EPB41L4A: variants seen among roughly 807,000 people sequenced by gnomAD.
EPB41L4A encodes the protein band 4.1-like protein 4A.
A neutral mutation model predicts 108.6 loss-of-function variants in EPB41L4A; 100 were observed. The observed-to-expected ratio is 0.92, with a 90% CI of 0.78 to 1.09. EPB41L4A has a LOEUF of 1.09. Ranked by LOEUF, EPB41L4A falls within the 50% of genes least tolerant of loss-of-function variation. The probability of loss-of-function intolerance (pLI) is 0.00; values close to 1 mark genes in which losing one functional copy is unlikely to be tolerated. For missense variants in EPB41L4A, 1,030 were observed against 842.7 expected, an observed-to-expected ratio of 1.22 and a Z score of -2.75; for synonymous variants, 319 against 289.0, an observed-to-expected ratio of 1.10 and a Z score of -1.05.
chr5:112,359,237 G>A (rs1758556039), intron 1 of EPB41L4A, among the ~76,000 whole-genome samples: 1 of 152,190 alleles, frequency 6.6e-6, no homozygotes, highest in Non-Finnish European at 1.5e-5. Flanking sequence ...TCTTAGAAGA[G>A]AATCCAGGGG....
At chr5:112,339,484 ATATATATATATC>A (rs1757134872) in intron 1 of EPB41L4A, among the ~76,000 whole-genome samples, 2 of 35,302 alleles carry the variant, frequency 5.7e-5, no homozygotes, top group African/African-American at 1.6e-4. Context: ...CTATATATAT[ATATATATATATC>A]TATATATATA....
upstream of EPB41L4A, chr5:112,419,688 C>G (rs762189949): frequency 2.2e-6 from 1 of 456,654 alleles, no homozygotes; most frequent in South Asian, 1.5e-5. Flanking sequence ...TCGCTCCGTC[C>G]GCTACCCCGT....
intron 1 of EPB41L4A, among the ~76,000 whole-genome samples, chr5:112,382,803 C>T (rs1470489160): frequency 6.6e-6 from 1 of 152,152 alleles, no homozygotes; most frequent in Non-Finnish European, 1.5e-5. Context: ...TCCTTCCTGG[C>T]TTCTAACTCT....
chr5:112,231,542 T>G (rs1484381229), intron 12 of EPB41L4A, among the ~76,000 whole-genome samples: 1 of 150,892 alleles, frequency 6.6e-6, no homozygotes, highest in African/African-American at 2.4e-5. Context: ...TCCCAGCACT[T>G]TGGGAGGCCG....
At chr5:112,160,512 G>A (rs1580338441), downstream of EPB41L4A, 2 of 152,514 alleles carry the variant, frequency 1.3e-5, no homozygotes, top group African/African-American at 4.8e-5. Flanking sequence ...TTCCTCAGCT[G>A]GACTCATGAA....
chr5:112,159,958 G>GT (rs1448664409), downstream of EPB41L4A, among the ~76,000 whole-genome samples: 1 of 146,236 alleles, frequency 6.8e-6, no homozygotes, highest in East Asian at 2.0e-4. Context: ...CTGGAGTCAA[G>GT]TGGCATGATC....
intron 1 of EPB41L4A, among the ~76,000 whole-genome samples, chr5:112,364,155 T>C (rs1758969944): frequency 6.6e-6 from 1 of 152,162 alleles, no homozygotes; most frequent in Non-Finnish European, 1.5e-5. Context: ...GCCTCCCGAG[T>C]AGCTGGGATT....
chr5:112,392,064 C>A (rs1388909072), intron 1 of EPB41L4A, among the ~76,000 whole-genome samples: 1 of 152,034 alleles, frequency 6.6e-6, no homozygotes, highest in Non-Finnish European at 1.5e-5. Context: ...TACAAGAGCT[C>A]CTGAAGGAAG....
chr5:112,262,767 CTTATA>C (rs1390617300), intron 6 of EPB41L4A, among the ~76,000 whole-genome samples, 186 bp from the exon 7 acceptor site: 1 of 152,160 alleles, frequency 6.6e-6, no homozygotes, highest in Non-Finnish European at 1.5e-5. Context: ...TGAAGTGATA[CTTATA>C]TTAATTTCAT....
At chr5:112,171,665 A>G in intron 18 of EPB41L4A, among the ~76,000 whole-genome samples, 1 of 152,246 alleles carries the variant, frequency 6.6e-6, no homozygotes, top group East Asian at 1.9e-4. Flanking sequence ...CCTAGAATGA[A>G]AAATTCAGTC....
At position 112,375,958 on chromosome 5, in the gene EPB41L4A, G is replaced by A. The variant is rs73214233; in HGVS notation, c.99+42983C>T. Among the ~76,000 whole-genome samples the A allele has an allele frequency of 6.7e-3, 1,014 of 152,244 alleles. 14 individuals carry two copies. Among genetic ancestry groups the A allele is most frequent in the African/African-American group, 0.023 (962 of 41,536 alleles). On this transcript the variant is annotated intron_variant, in intron 1 of 22. Coordinates refer to ENST00000261486, the MANE Select transcript of EPB41L4A (RefSeq NM_022140.5). ...CCAAGGGGTTAGGGTATGAAAAAGA[G>A]GCAAGATAACTGTCCCCAGGGGTTG... is the stretch of plus-strand genomic sequence containing the variant.
chr5:112,243,814 A>T (rs913870881), intron 9 of EPB41L4A, among the ~76,000 whole-genome samples: 1 of 152,190 alleles, frequency 6.6e-6, no homozygotes, highest in Non-Finnish European at 1.5e-5. Flanking sequence ...AGAGAGTTAG[A>T]GCCTTTCTCT....
chr5:112,180,776 C>T (rs139655771), intron 18 of EPB41L4A, among the ~76,000 whole-genome samples: 53 of 152,056 alleles, frequency 3.5e-4, no homozygotes, highest in Non-Finnish European at 7.1e-4. Context: ...CAAACCACAG[C>T]CTGGGAGAAA....
chr5:112,148,832 G>A (rs541101741), intron 12 of EPB41L4A, among the ~76,000 whole-genome samples: 17 of 152,232 alleles, frequency 1.1e-4, no homozygotes, highest in African/African-American at 4.1e-4. Context: ...AGCAATGTGT[G>A]TTGGATAAGT....
At chr5:112,156,756 C>T (rs1759661951) in intron 12 of EPB41L4A, among the ~76,000 whole-genome samples, 2 of 152,056 alleles carry the variant, frequency 1.3e-5, no homozygotes, top group African/African-American at 4.8e-5. Context: ...AATGCAATTC[C>T]AATAAAAATC....
At chr5:112,282,002 TAAAAATA>T (rs1205899621) in intron 2 of EPB41L4A, among the ~76,000 whole-genome samples, 1 of 152,022 alleles carries the variant, frequency 6.6e-6, no homozygotes, top group East Asian at 1.9e-4. Context: ...AACTAAAAAC[TAAAAATA>T]AAAACTAAAA....
chr5:112,337,513 GACTGGT>G (rs1214286381), intron 1 of EPB41L4A, among the ~76,000 whole-genome samples: 2 of 152,172 alleles, frequency 1.3e-5, no homozygotes, highest in African/African-American at 2.4e-5. Context: ...GATCCCCACA[GACTGGT>G]GAAACTCCTG....
intron 1 of EPB41L4A, among the ~76,000 whole-genome samples, chr5:112,361,111 G>C (rs546676402): frequency 1.3e-5 from 2 of 152,102 alleles, no homozygotes; most frequent in African/African-American, 2.4e-5. Flanking sequence ...AAGAGAGATC[G>C]GATTGTTACT....
intron 9 of EPB41L4A, among the ~76,000 whole-genome samples, chr5:112,244,405 CA>C (rs1230092693): frequency 2.6e-5 from 4 of 151,994 alleles, no homozygotes; most frequent in Admixed American, 6.6e-5. Flanking sequence ...CATTGTCACG[CA>C]TTGAGAAAGA....
Sources: allele counts gnomAD v4.1 joint callset (sites outside exome capture counted in the v4.1 genomes callset), GRCh38; gene constraint gnomAD v4.1.1; transcripts MANE v1.5; gene names NCBI Gene and HGNC (gene_info 2026-07-23, HGNC 2026-07-21).